The following EXOC1 variants were observed in gnomAD, a reference collection of about 807,000 sequenced individuals.
EXOC1 encodes the protein SEC3-like 1.
Under a neutral mutation model 107.7 loss-of-function variants are expected in EXOC1, and 67 were observed. The observed-to-expected ratio is 0.62, with a 90% CI of 0.51 to 0.76. EXOC1 has a LOEUF of 0.76. Ranked by LOEUF, EXOC1 falls within the 30% of genes least tolerant of loss-of-function variation. EXOC1 has a pLI of 0.00. For synonymous variants in EXOC1, 348 were observed against 353.5 expected (o/e 0.98, Z 0.17); for missense variants, 833 against 1,055.7 (o/e 0.79, Z 2.92).
chr4:55,891,814 A>G (rs1290829431), intron 13 of EXOC1, among the ~76,000 whole-genome samples: 1 of 152,228 alleles, frequency 6.6e-6, no homozygotes, highest in Non-Finnish European at 1.5e-5. Context: ...CCAAATAACA[A>G]TAATGATAAA....
At chr4:55,871,306 T>C in intron 7 of EXOC1, 73 bp downstream of exon 7, 1 of 1,524,866 alleles carries the variant, frequency 6.6e-7, no homozygotes, top group South Asian at 1.2e-5. Flanking sequence ...ATAAAGGTTT[T>C]GACAAGAAAT....
chr4:55,871,811 A>C, intron 7 of EXOC1, 38 bp from the exon 8 acceptor site: 1 of 1,558,178 alleles, frequency 6.4e-7, no homozygotes, highest in Non-Finnish European at 8.8e-7. Flanking sequence ...AAATCTTTTT[A>C]CCCATTAAAC....
intron 1 of EXOC1, among the ~76,000 whole-genome samples, chr4:55,854,913 G>T (rs932663846): frequency 6.6e-6 from 1 of 152,192 alleles, no homozygotes; most frequent in Admixed American, 6.5e-5. Context: ...AGAAGCTTAT[G>T]ATTTAATGAG....
chr4:55,893,790 C>T lies in EXOC1; in HGVS notation c.1953+10C>T. On this transcript the variant is annotated intron_variant, in intron 15 of 18. Transcript: ENST00000381295. ...CTTTGACAAATGCATTGTAAGTTTTCTTTTTTAAAAAAATACCTTAGCATC... is the reference window on the plus strand; with the variant it reads ...CTTTGACAAATGCATTGTAAGTTTTTTTTTTTAAAAAAATACCTTAGCATC... The T allele has an allele frequency of 6.2e-7, 1 of 1,601,382 alleles. No individual in the cohort carries two copies. Among genetic ancestry groups the T allele is most frequent in the African/African-American group, 1.3e-5 (1 of 74,126 alleles).
chr4:55,874,674 G>A (rs1037199280), intron 8 of EXOC1, among the ~76,000 whole-genome samples: 1 of 152,092 alleles, frequency 6.6e-6, no homozygotes, highest in Non-Finnish European at 1.5e-5. Flanking sequence ...AATATAATAT[G>A]AGAGTAATGT....
chr4:55,903,334 T>G, intron 18 of EXOC1, among the ~76,000 whole-genome samples: 1 of 151,782 alleles, frequency 6.6e-6, no homozygotes, highest in East Asian at 1.9e-4. Context: ...TGAGTGAGAG[T>G]AATTCTGATT....
Position 55,896,723 on chromosome 4 carries a change from C to A in EXOC1, c.1960C>A (p.Gln654Lys). 6.2e-7 allele frequency: 1 copy of A among 1,600,068 alleles called. No homozygotes were observed. The highest frequency in any genetic ancestry group is 1.8e-5 in the Admixed American group (1 of 56,472). ...KRNFDKCISN[Q>K]IRQMEEVKIS... ...GCTCTCTGCCTAACTTTAGAGTAAC[C>A]AAATAAGGCAAATGGAAGAAGTAAA... Residue 654 changes from glutamine (Q) to lysine (K), a missense_variant, in exon 16 of 19, where the codon CAA becomes AAA. By Grantham distance (53) the Gln-to-Lys change is moderately conservative. Around this residue, in one of 2 missense-constraint regions of EXOC1, gnomAD observed 216 missense variants for 354.4 expected, o/e 0.61. Coordinates refer to ENST00000381295, the MANE Select transcript of EXOC1 (RefSeq NM_001024924.2).
chr4:55,858,016 T>C (rs1382541757), intron 1 of EXOC1, among the ~76,000 whole-genome samples: 1 of 152,200 alleles, frequency 6.6e-6, no homozygotes. Flanking sequence ...GTAAGGGTTC[T>C]TTATGTAGAA....
chr4:55,864,176 A>G (rs1448571460), intron 3 of EXOC1, 51 bp from the exon 4 acceptor site: 6 of 1,216,834 alleles, frequency 4.9e-6, no homozygotes, highest in Non-Finnish European at 5.7e-6. Flanking sequence ...TACATTAACA[A>G]TGTAAAAGGA....
At chr4:55,871,742 T>TA in intron 7 of EXOC1, 107 bp from the exon 8 acceptor site, 1 of 913,496 alleles carries the variant, frequency 1.1e-6, no homozygotes, top group Middle Eastern at 2.2e-4. Context: ...AATACACCCA[T>TA]AAAACTTTTG....
chr4:55,895,691 C>T (rs1374162843), intron 15 of EXOC1, among the ~76,000 whole-genome samples: 1 of 152,176 alleles, frequency 6.6e-6, no homozygotes, highest in African/African-American at 2.4e-5. Flanking sequence ...TAGATCCCTT[C>T]AGAATCATAG....
chr4:55,882,030 G>A (rs1723431973), intron 9 of EXOC1, among the ~76,000 whole-genome samples: 1 of 152,270 alleles, frequency 6.6e-6, no homozygotes, highest in African/African-American at 2.4e-5. Flanking sequence ...AAATCAGAGA[G>A]CCAGTAGAGA....
Position 55,877,960 on chromosome 4 carries a change from T to C in EXOC1, c.1118T>C (p.Leu373Pro), listed in dbSNP as rs1208089372. ...ACTCTTGCCCAACACTCTGTTGAACTGACTTTACCCAATCATCATCCATTT... is the reference window on the plus strand; with the variant it reads ...ACTCTTGCCCAACACTCTGTTGAACCGACTTTACCCAATCATCATCCATTT... ...SSTLAQHSVE[L>P]TLPNHHPFHR... Residue 373 changes from leucine (L) to proline (P), a missense_variant, in exon 9 of 19, where the codon CTG becomes CCG. Physicochemically the swap from Leu to Pro is moderately conservative, Grantham distance 98. This residue lies in a region of EXOC1 where 617 missense variants were observed against 701.3 expected (regional missense o/e 0.88). Coordinates refer to ENST00000381295, the MANE Select transcript of EXOC1 (RefSeq NM_001024924.2). 1.2e-6 allele frequency: 2 copies of C among 1,613,884 alleles called. No homozygotes were observed. Among genetic ancestry groups the C allele is most frequent in the African/African-American group, 2.7e-5 (2 of 75,024 alleles).
chr4:55,860,723 C>G (rs887132766), intron 3 of EXOC1, among the ~76,000 whole-genome samples, 182 bp downstream of exon 3: 1 of 150,708 alleles, frequency 6.6e-6, no homozygotes, highest in Non-Finnish European at 1.5e-5. Flanking sequence ...AGAAAAATTA[C>G]TTTGACTGTA....
At chr4:55,876,277 A>G (rs1416068475) in intron 8 of EXOC1, 3 of 985,316 alleles carry the variant, frequency 3.0e-6, no homozygotes, top group Non-Finnish European at 3.6e-6. Flanking sequence ...ATTGTTTTAT[A>G]TTCAGGTAGC....
At chr4:55,878,108 A>G in intron 9 of EXOC1, 42 bp downstream of exon 9, 1 of 1,586,596 alleles carries the variant, frequency 6.3e-7, no homozygotes, top group Non-Finnish European at 8.6e-7. Flanking sequence ...ATAGAGCATT[A>G]TCTTTTAGAA....
At chr4:55,894,180 C>T (rs1477278069) in intron 15 of EXOC1, among the ~76,000 whole-genome samples, 1 of 152,086 alleles carries the variant, frequency 6.6e-6, no homozygotes, top group East Asian at 1.9e-4. Flanking sequence ...CAAAAATTAG[C>T]CGGGCGTGGT....
At position 55,858,294 on chromosome 4, in the gene EXOC1, C is replaced by T. The variant is rs781777825; in HGVS notation, c.-10-20C>T. On this transcript the variant is annotated intron_variant, in intron 1 of 18. Coordinates refer to ENST00000381295, the MANE Select transcript of EXOC1 (RefSeq NM_001024924.2). The stretch of plus-strand genomic sequence containing the variant: ...ATGATGTTGAGGGTGAGCTTAATAT[C>T]TATACTCCACATTTTTCAGCTGAGA... 6.9e-6 allele frequency: 11 copies of T among 1,587,246 alleles called. No individual in the cohort carries two copies. Among genetic ancestry groups the T allele is most frequent in the Middle Eastern group, 1.7e-4 (1 of 5,960 alleles).
intron 1 of EXOC1, among the ~76,000 whole-genome samples, chr4:55,855,433 A>G (rs1330131210): frequency 6.6e-6 from 1 of 152,134 alleles, no homozygotes; most frequent in South Asian, 2.1e-4. Context: ...GGAAAGGGGA[A>G]TCTTGGAGGA....
Sources: allele counts gnomAD v4.1 joint callset (sites outside exome capture counted in the v4.1 genomes callset), GRCh38; gene constraint gnomAD v4.1.1; regional missense constraint gnomAD v4.1.1; transcripts MANE v1.5; gene names NCBI Gene and HGNC (gene_info 2026-07-23, HGNC 2026-07-21).